Variants in MYO3B observed in about 807,000 individuals in gnomAD.
MYO3B encodes myosin IIIB.
Under a neutral mutation model 174.6 loss-of-function variants are expected in MYO3B, and 156 were observed. The ratio of observed to expected loss-of-function variants is 0.89; its 90% confidence interval spans 0.78 to 1.02. MYO3B has a LOEUF of 1.02. MYO3B is among the 50% of genes least tolerant of loss of function. MYO3B has a pLI of 0.00. For synonymous variants in MYO3B, 563 were observed against 569.1 expected (o/e 0.99, Z 0.15); for missense variants, 1,632 against 1,639.4 (o/e 1.00, Z 0.08).
intron 32 of MYO3B, among the ~76,000 whole-genome samples, chr2:170,626,874 C>T (rs1696487183): frequency 6.6e-6 from 1 of 152,158 alleles, no homozygotes; most frequent in Admixed American, 6.5e-5. Context: ...TGAATATGGG[C>T]CCCCACTCTC....
intron 6 of MYO3B, among the ~76,000 whole-genome samples, chr2:170,225,466 T>C (rs1266048258): frequency 6.6e-6 from 1 of 152,172 alleles, no homozygotes; most frequent in African/African-American, 2.4e-5. Flanking sequence ...CTTCCTAATA[T>C]ATGAAGGAAA....
intron 7 of MYO3B, among the ~76,000 whole-genome samples, chr2:170,292,100 T>C (rs2093600547): frequency 6.6e-6 from 1 of 152,150 alleles, no homozygotes; most frequent in Non-Finnish European, 1.5e-5. Context: ...CTGCATCTTG[T>C]AGTTGGTTTT....
intron 9 of MYO3B, among the ~76,000 whole-genome samples, chr2:170,374,897 T>C (rs766737357): frequency 1.3e-5 from 2 of 152,148 alleles, no homozygotes; most frequent in Non-Finnish European, 2.9e-5. Context: ...CTGATTATAG[T>C]GTATGTATGA....
At chr2:170,380,283 TA>T (rs2094325757) in intron 9 of MYO3B, among the ~76,000 whole-genome samples, 1 of 24,672 alleles carries the variant, frequency 4.1e-5, no homozygotes, top group Non-Finnish European at 1.8e-4. Flanking sequence ...GTAATGTGTG[TA>T]GTTATGCAAA....
At chr2:170,556,569 T>C (rs1691308807) in intron 32 of MYO3B, among the ~76,000 whole-genome samples, 1 of 152,126 alleles carries the variant, frequency 6.6e-6, no homozygotes, top group South Asian at 2.1e-4. Context: ...TTGCCCAAGC[T>C]GGAGTACAAT....
chr2:170,405,077 A>T (rs938413476), intron 20 of MYO3B, among the ~76,000 whole-genome samples: 6 of 152,210 alleles, frequency 3.9e-5, no homozygotes, highest in African/African-American at 1.4e-4. Flanking sequence ...TTTCAACCAC[A>T]ATAGCAAAGA....
At chr2:170,496,835 C>T (rs1425459411) in intron 25 of MYO3B, among the ~76,000 whole-genome samples, 1 of 151,890 alleles carries the variant, frequency 6.6e-6, no homozygotes. Context: ...GCCATGTTGT[C>T]CAGGCTGGTC....
intron 8 of MYO3B, among the ~76,000 whole-genome samples, chr2:170,354,401 A>G (rs1558917327): frequency 1.3e-5 from 2 of 152,206 alleles, no homozygotes; most frequent in Non-Finnish European, 2.9e-5. Context: ...ATTTTGTGAC[A>G]GTCATTCTGT....
intron 32 of MYO3B, among the ~76,000 whole-genome samples, chr2:170,619,330 C>T (rs1178455382): frequency 1.3e-5 from 2 of 152,198 alleles, no homozygotes; most frequent in African/African-American, 2.4e-5. Context: ...GCAGTTGGCT[C>T]ATTCTGGCAG....
At chr2:170,474,749 A>G in intron 25 of MYO3B, among the ~76,000 whole-genome samples, 1 of 54,388 alleles carries the variant, frequency 1.8e-5, no homozygotes. Flanking sequence ...GTCTCAAAAA[A>G]AAAAAAAAAA....
chr2:170,338,768 A>G (rs2105551039), intron 8 of MYO3B, among the ~76,000 whole-genome samples: 2 of 152,112 alleles, frequency 1.3e-5, no homozygotes, highest in South Asian at 4.1e-4. Context: ...AGGACCAGCT[A>G]GTTTTTACAT....
intron 32 of MYO3B, among the ~76,000 whole-genome samples, chr2:170,603,394 A>T (rs759329444): frequency 1.2e-4 from 18 of 152,386 alleles, no homozygotes; most frequent in Middle Eastern, 3.4e-3. Flanking sequence ...CATTTGCTAT[A>T]TAAGCCATTT....
intron 7 of MYO3B, among the ~76,000 whole-genome samples, chr2:170,302,899 A>G (rs2093675154): frequency 6.6e-6 from 1 of 152,202 alleles, no homozygotes; most frequent in African/African-American, 2.4e-5. Context: ...TGCTTGATCT[A>G]TTATTATCCT....
At chr2:170,372,272 T>C (rs958290933) in intron 9 of MYO3B, among the ~76,000 whole-genome samples, 2 of 152,068 alleles carry the variant, frequency 1.3e-5, no homozygotes, top group African/African-American at 4.8e-5. Flanking sequence ...ATTTTGAGGG[T>C]TAAGTGAGTC....
intron 8 of MYO3B, among the ~76,000 whole-genome samples, chr2:170,361,699 G>A (rs2094162562): frequency 1.3e-5 from 2 of 152,188 alleles, no homozygotes; most frequent in South Asian, 4.1e-4. Context: ...CCTGCTACTT[G>A]GCTCTGGCCT....
rs1697226597 is a variant in MYO3B, at chr2:170,633,722, GTC to G, written c.3734-17903_3734-17902del. ...GATTGTATATTTAGAAAACCCCATT[GTC>G]TCAGCCCAAAATCTCCTTAAGCTAA... On this transcript the variant is annotated intron_variant, in intron 32 of 34. Coordinates refer to ENST00000408978, the MANE Select transcript of MYO3B (RefSeq NM_138995.5). 3.3e-5 allele frequency among the ~76,000 whole-genome samples: 5 copies of G among 152,350 alleles called. No homozygotes were observed. The South Asian group carries it at 1.0e-3, about 32-fold the overall frequency.
chr2:170,582,028 G>A (rs962092666), intron 32 of MYO3B, among the ~76,000 whole-genome samples: 2 of 152,124 alleles, frequency 1.3e-5, no homozygotes, highest in Non-Finnish European at 2.9e-5. Context: ...ACAGTTGTAA[G>A]GCAGTTGTAA....
chr2:170,561,534 T>C (rs1691711673), intron 32 of MYO3B, among the ~76,000 whole-genome samples: 1 of 152,222 alleles, frequency 6.6e-6, no homozygotes, highest in South Asian at 2.1e-4. Flanking sequence ...AATGCACAAA[T>C]GTACACCGGC....
At chr2:170,543,050 G>A in intron 31 of MYO3B, 84 bp downstream of exon 31, 1 of 1,165,206 alleles carries the variant, frequency 8.6e-7, no homozygotes, top group Non-Finnish European at 1.3e-6. Context: ...CTTGTCTGCG[G>A]CTGCGTGGTT....
Sources: gnomAD v4.1 joint callset for allele counts (sites outside exome capture counted in the v4.1 genomes callset) on GRCh38, gnomAD v4.1.1 for gene constraint, MANE v1.5 for transcripts, NCBI Gene and HGNC (gene_info 2026-07-23, HGNC 2026-07-21) for gene names.